The following EBF2 variants were observed in gnomAD, a reference collection of about 807,000 sequenced individuals.
The protein encoded by EBF2 is transcription factor COE2.
A neutral mutation model predicts 72.8 loss-of-function variants in EBF2; 21 were observed. The observed-to-expected ratio is 0.29, with a 90% confidence interval of 0.20 to 0.42. The LOEUF (loss-of-function observed/expected upper bound fraction) is 0.42. Among genes scored for constraint, EBF2 ranks in the 10% least tolerant of loss-of-function variants. The probability of loss-of-function intolerance (pLI) is 1.00; values close to 1 mark genes in which losing one functional copy is unlikely to be tolerated. For missense variants in EBF2, 637 were observed against 731.2 expected (o/e 0.87, Z 1.49); for synonymous variants, 299 against 274.2 (o/e 1.09, Z -0.89).
intron 6 of EBF2, among the ~76,000 whole-genome samples, chr8:25,969,446 G>C (rs1804159389): frequency 6.6e-6 from 1 of 152,198 alleles, no homozygotes; most frequent in African/African-American, 2.4e-5. Context: ...AGGAGTAAAG[G>C]CCTGCTGACG....
intron 6 of EBF2, among the ~76,000 whole-genome samples, chr8:25,909,761 GA>G (rs1395198267): frequency 6.6e-6 from 1 of 152,164 alleles, no homozygotes; most frequent in African/African-American, 2.4e-5. Flanking sequence ...CTGATGAGTA[GA>G]TAAACAGTAA....
At chr8:26,008,904 T>C (rs1271078005) in intron 6 of EBF2, among the ~76,000 whole-genome samples, 1 of 150,308 alleles carries the variant, frequency 6.7e-6, no homozygotes, top group Non-Finnish European at 1.5e-5. Flanking sequence ...ATGCTATGTG[T>C]GTGTAAAATT....
intron 10 of EBF2, among the ~76,000 whole-genome samples, chr8:25,872,276 T>A (rs2117274545): frequency 6.6e-6 from 1 of 152,206 alleles, no homozygotes; most frequent in Non-Finnish European, 1.5e-5. Flanking sequence ...GCCTGGTTGC[T>A]TTTTTTAAAA....
At chr8:25,929,248 A>G (rs1803440257) in intron 6 of EBF2, among the ~76,000 whole-genome samples, 1 of 152,210 alleles carries the variant, frequency 6.6e-6, no homozygotes, top group African/African-American at 2.4e-5. Context: ...AACTTTCACA[A>G]GGTCACACAG....
chr8:25,891,416 CAT>C (rs941015594), intron 7 of EBF2, among the ~76,000 whole-genome samples: 8 of 152,058 alleles, frequency 5.3e-5, no homozygotes, highest in African/African-American at 7.2e-5. Context: ...TACTCACAAA[CAT>C]GTGTAGACCT....
At chr8:25,984,867 G>A in intron 6 of EBF2, among the ~76,000 whole-genome samples, 1 of 151,416 alleles carries the variant, frequency 6.6e-6, no homozygotes, top group East Asian at 1.9e-4. Flanking sequence ...CACCCTTCCT[G>A]GGTGTTCTCA....
chr8:25,863,505 T>A (rs1190105537), intron 10 of EBF2, among the ~76,000 whole-genome samples: 2 of 152,170 alleles, frequency 1.3e-5, no homozygotes, highest in Non-Finnish European at 1.5e-5. Context: ...TCTAAAGAGT[T>A]TTCTGCATGC....
chr8:26,043,458 C>T (rs1805643493), intron 1 of EBF2, among the ~76,000 whole-genome samples: 2 of 152,372 alleles, frequency 1.3e-5, no homozygotes, highest in South Asian at 4.1e-4. Flanking sequence ...ATGCGCGGCA[C>T]AGTTGGCTCT....
At chr8:25,894,868 G>C (rs530484110) in intron 7 of EBF2, among the ~76,000 whole-genome samples, 1 of 152,110 alleles carries the variant, frequency 6.6e-6, no homozygotes, top group African/African-American at 2.4e-5. Context: ...GGTGCCATTC[G>C]GAGGTGCCTG....
chr8:26,005,029 G>A (rs1804815124), intron 6 of EBF2, among the ~76,000 whole-genome samples: 1 of 150,344 alleles, frequency 6.7e-6, no homozygotes, highest in Non-Finnish European at 1.5e-5. Flanking sequence ...ATAGAAAGAA[G>A]ATCATTGAGG....
At chr8:25,902,807 A>G (rs1802976877) in intron 7 of EBF2, among the ~76,000 whole-genome samples, 1 of 152,324 alleles carries the variant, frequency 6.6e-6, no homozygotes, top group South Asian at 2.1e-4. Flanking sequence ...GTAGCCTTAA[A>G]GCATGAAAAG....
chr8:25,870,218 G>A (rs1802410546), intron 10 of EBF2, among the ~76,000 whole-genome samples: 1 of 151,856 alleles, frequency 6.6e-6, no homozygotes, highest in Non-Finnish European at 1.5e-5. Flanking sequence ...ACTTGATGAT[G>A]AAATTCTCAA....
chr8:25,974,752 C>A (rs374630408), intron 6 of EBF2, among the ~76,000 whole-genome samples: 1 of 152,166 alleles, frequency 6.6e-6, no homozygotes, highest in Non-Finnish European at 1.5e-5. Context: ...CCCTGCCCCC[C>A]CATCCTACTG....
intron 14 of EBF2, among the ~76,000 whole-genome samples, chr8:25,852,545 C>G (rs1354819725): frequency 6.6e-6 from 1 of 152,114 alleles, no homozygotes; most frequent in African/African-American, 2.4e-5. Context: ...CAGCAAATGA[C>G]TCACTAGTAC....
At chr8:25,935,404 C>T (rs1470902258) in intron 6 of EBF2, among the ~76,000 whole-genome samples, 2 of 152,160 alleles carry the variant, frequency 1.3e-5, no homozygotes, top group African/African-American at 2.4e-5. Flanking sequence ...TCCAGGGCCG[C>T]ATCAATAAAG....
intron 14 of EBF2, among the ~76,000 whole-genome samples, chr8:25,856,197 C>G (rs867625413): frequency 1.7e-4 from 26 of 152,226 alleles, no homozygotes; most frequent in African/African-American, 5.5e-4. Flanking sequence ...ACACTACATA[C>G]TGTATTATAA....
intron 14 of EBF2, among the ~76,000 whole-genome samples, chr8:25,851,239 G>A (rs1053524633): frequency 1.3e-5 from 2 of 152,156 alleles, no homozygotes; most frequent in African/African-American, 2.4e-5. Context: ...GGTTTGGTCT[G>A]TAGGGTTAAC....
In EBF2 at chr8:25,916,285, CAAA is replaced by C. The variant is rs58880741; in HGVS notation, c.552-7733_552-7731del. Among the ~76,000 whole-genome samples the C allele has an allele frequency of 4.5e-4, 51 of 112,520 alleles. 3 individuals carry two copies. Among genetic ancestry groups the C allele is most frequent in the Admixed American group, 1.5e-3 (17 of 11,050 alleles). The allele number at this position is 112,520 out of a possible 152,430, so 73.8% of individuals were successfully genotyped here. A position where few individuals can be genotyped will look rare whatever the true frequency, so the allele number is the denominator to read the frequency against. On this transcript the variant is annotated intron_variant, in intron 6 of 15. Transcript: ENST00000520164. ...TGGGCTACAGAGTGAGACTCTATCT[CAAA>C]AAAAAAAAAAAAAGCAAAAAACCCA... is the stretch of plus-strand genomic sequence containing the variant.
At position 25,844,382 on chromosome 8, in the gene EBF2, G is replaced by A. The variant is rs11986894; in HGVS notation, c.*227C>T. 6,057 of 515,422 alleles carry A rather than the reference G, an allele frequency of 0.012. 285 individuals carry two copies. Among genetic ancestry groups the A allele is most frequent in the African/African-American group, 0.1 (5,284 of 52,520 alleles). 31.9% of individuals were successfully genotyped at this position (515,422 alleles called of 1,614,324 possible). A position where few individuals can be genotyped will look rare whatever the true frequency, so the allele number is the denominator to read the frequency against. ...CATTTCTGCTCTTAGCACTGACTAC[G>A]TCAATGACATCTTTTGTCCTTGTCC... On this transcript the variant is annotated 3_prime_UTR_variant, in exon 16 of 16. Coordinates refer to ENST00000520164, the MANE Select transcript of EBF2 (RefSeq NM_022659.4).
Sources: gnomAD v4.1 joint callset for allele counts (sites outside exome capture counted in the v4.1 genomes callset) on GRCh38, gnomAD v4.1.1 for gene constraint, MANE v1.5 for transcripts, NCBI Gene and HGNC (gene_info 2026-07-23, HGNC 2026-07-21) for gene names.